Variants in SEMA5A observed in about 807,000 individuals in gnomAD.
The protein encoded by SEMA5A is semaphorin-5A.
A neutral mutation model predicts 135.5 loss-of-function variants in SEMA5A; 55 were observed. The ratio of observed to expected loss-of-function variants is 0.41; its 90% CI spans 0.33 to 0.51. SEMA5A has a LOEUF of 0.51. SEMA5A is among the 20% of genes least tolerant of loss of function. The pLI is 0.37. For synonymous variants in SEMA5A, 580 were observed against 546.5 expected (o/e 1.06, Z -0.85); for missense variants, 1,290 against 1,419.9 (o/e 0.91, Z 1.47).
At chr5:9,238,899 T>G (rs1748055925) in intron 5 of SEMA5A, among the ~76,000 whole-genome samples, 1 of 152,184 alleles carries the variant, frequency 6.6e-6, no homozygotes, top group Non-Finnish European at 1.5e-5. Flanking sequence ...TTTCTGTTAA[T>G]TTGGACTAAT....
At chr5:9,068,608 G>A (rs1163474676) in intron 16 of SEMA5A, among the ~76,000 whole-genome samples, 1 of 152,170 alleles carries the variant, frequency 6.6e-6, no homozygotes, top group Non-Finnish European at 1.5e-5. Context: ...GACAGAGCAG[G>A]TCTAGTCCCC....
chr5:9,436,257 A>G (rs1449377106), intron 2 of SEMA5A, among the ~76,000 whole-genome samples: 3 of 152,214 alleles, frequency 2.0e-5, no homozygotes, highest in Non-Finnish European at 4.4e-5. Flanking sequence ...ACCGCTGACC[A>G]TCCAAAGCAA....
intron 18 of SEMA5A, among the ~76,000 whole-genome samples, chr5:9,055,436 A>T (rs1304588205): frequency 6.6e-6 from 1 of 152,226 alleles, no homozygotes; most frequent in Non-Finnish European, 1.5e-5. Flanking sequence ...TGTAGCCTAC[A>T]CAAAGAAACA....
At chr5:9,452,389 C>T (rs1316156570) in intron 1 of SEMA5A, among the ~76,000 whole-genome samples, 1 of 152,162 alleles carries the variant, frequency 6.6e-6, no homozygotes, top group East Asian at 1.9e-4. Context: ...GCCCTGTCAA[C>T]AGAAGTCAGC....
In SEMA5A at chr5:9,301,361, T is replaced by G. The variant is rs139840092; in HGVS notation, c.270+17011A>C. The stretch of plus-strand genomic sequence containing the variant: ...AAATCTGTTTCGAGAAGTTTTAATG[T>G]GAGCAGCAGACAGGAGTAAAATCGT... On this transcript the variant is annotated intron_variant, in intron 5 of 22. Coordinates refer to ENST00000382496, the MANE Select transcript of SEMA5A (RefSeq NM_003966.3). Among the ~76,000 whole-genome samples, 187 of 152,344 alleles carry G rather than the reference T, an allele frequency of 1.2e-3. 1 individual carries two copies. Among genetic ancestry groups the G allele is most frequent in the African/African-American group, 4.1e-3 (172 of 41,572 alleles).
At chr5:9,323,290 T>G (rs1057311694) in intron 4 of SEMA5A, among the ~76,000 whole-genome samples, 1 of 152,224 alleles carries the variant, frequency 6.6e-6, no homozygotes, top group African/African-American at 2.4e-5. Context: ...AACAAAAGTA[T>G]TTTTATTATG....
chr5:9,538,435 GCAT>G (rs1335573637), intron 1 of SEMA5A, among the ~76,000 whole-genome samples: 1 of 152,144 alleles, frequency 6.6e-6, no homozygotes, highest in African/African-American at 2.4e-5. Flanking sequence ...ACAGAAGCAG[GCAT>G]CATGAACTTC....
At chr5:9,205,240 G>C (rs904640723) in intron 8 of SEMA5A, among the ~76,000 whole-genome samples, 2 of 152,258 alleles carry the variant, frequency 1.3e-5, no homozygotes, top group East Asian at 3.9e-4. Context: ...ACAGTCTAAG[G>C]GGGGTTTCAG....
intron 3 of SEMA5A, among the ~76,000 whole-genome samples, chr5:9,379,583 T>G (rs1579442555): frequency 6.6e-6 from 1 of 152,302 alleles, no homozygotes; most frequent in East Asian, 1.9e-4. Context: ...TGACCAGAAA[T>G]AATGAGATTT....
chr5:9,350,731 T>C (rs939252051), intron 3 of SEMA5A, among the ~76,000 whole-genome samples: 3 of 152,228 alleles, frequency 2.0e-5, no homozygotes, highest in African/African-American at 7.2e-5. Flanking sequence ...TACAGTGCTG[T>C]CCTTATGACT....
At chr5:9,489,398 T>C (rs909843048) in intron 1 of SEMA5A, among the ~76,000 whole-genome samples, 1 of 152,070 alleles carries the variant, frequency 6.6e-6, no homozygotes, top group Non-Finnish European at 1.5e-5. Flanking sequence ...ACGCATACCT[T>C]TGGAATCTCT....
In SEMA5A at chr5:9,036,786, G is replaced by A. The variant is rs1009425315; in HGVS notation, c.*6111C>T. ...CCAATCAATCTTCTCCTTCTAATTA[G>A]ACCAATAATATCCACATGAAATGAT... is the stretch of plus-strand genomic sequence containing the variant. On this transcript the variant is annotated 3_prime_UTR_variant, in exon 23 of 23. Coordinates refer to ENST00000382496, the MANE Select transcript of SEMA5A (RefSeq NM_003966.3). 1 of 152,456 alleles carries A rather than the reference G, an allele frequency of 6.6e-6. No individual in the cohort carries two copies. Among genetic ancestry groups the A allele is most frequent in the South Asian group, 2.1e-4 (1 of 4,812 alleles). 9.4% of individuals were successfully genotyped at this position (152,456 alleles called of 1,614,324 possible).
intron 8 of SEMA5A, 90 bp downstream of exon 8, chr5:9,224,580 TTTTA>T (rs1376529689): frequency 9.1e-7 from 1 of 1,098,328 alleles, no homozygotes; most frequent in Non-Finnish European, 1.4e-6. Context: ...AAGAATTCAT[TTTTA>T]TTTAGAGTGT....
chr5:9,101,351 C>T (rs985308353), intron 16 of SEMA5A, among the ~76,000 whole-genome samples: 1 of 152,160 alleles, frequency 6.6e-6, no homozygotes, highest in African/African-American at 2.4e-5. Context: ...TGGACCATCT[C>T]GCTTCTTTGC....
At chr5:9,148,738 G>C (rs1272549851) in intron 12 of SEMA5A, among the ~76,000 whole-genome samples, 1 of 152,046 alleles carries the variant, frequency 6.6e-6, no homozygotes, top group Non-Finnish European at 1.5e-5. Flanking sequence ...TTTTGGTTTT[G>C]AGACAGAGTC....
chr5:9,530,524 ACCAGGTGCTTCTC>A (rs1341560277), intron 1 of SEMA5A, among the ~76,000 whole-genome samples: 3 of 152,174 alleles, frequency 2.0e-5, no homozygotes, highest in Non-Finnish European at 4.4e-5. Context: ...GTATCCCCAA[ACCAGGTGCTTCTC>A]TTTCAGGTTT....
chr5:9,098,037 A>T (rs961074238), intron 16 of SEMA5A, among the ~76,000 whole-genome samples: 1 of 152,040 alleles, frequency 6.6e-6, no homozygotes, highest in African/African-American at 2.4e-5. Context: ...TGAGGTCGGG[A>T]GTTTAAGACC....
intron 1 of SEMA5A, among the ~76,000 whole-genome samples, chr5:9,527,580 G>C (rs1427489922): frequency 6.6e-6 from 1 of 152,150 alleles, no homozygotes; most frequent in Non-Finnish European, 1.5e-5. Context: ...AGTGAACAAA[G>C]ACATTAAACC....
intron 16 of SEMA5A, among the ~76,000 whole-genome samples, chr5:9,074,842 A>G (rs141170176): frequency 0.014 from 2,088 of 152,326 alleles, 37 homozygotes; most frequent in Non-Finnish European, 0.017. Context: ...ATCGTGTCAC[A>G]GTATCAGATG....
Sources: allele counts gnomAD v4.1 joint callset (sites outside exome capture counted in the v4.1 genomes callset), GRCh38; gene constraint gnomAD v4.1.1; transcripts MANE v1.5; gene names NCBI Gene and HGNC (gene_info 2026-07-23, HGNC 2026-07-21).